The following HHATL variants were observed in gnomAD, a reference collection of about 807,000 sequenced individuals.
HHATL encodes protein-cysteine N-palmitoyltransferase HHAT-like protein.
In HHATL, 49 loss-of-function variants were observed where a neutral mutation model predicts 59.7. The ratio of observed to expected loss-of-function variants is 0.82; its 90% confidence interval spans 0.65 to 1.04. HHATL has a LOEUF of 1.04. HHATL is among the 50% of genes least tolerant of loss of function. The probability of loss-of-function intolerance (pLI) is 0.00; values close to 1 mark genes in which losing one functional copy is unlikely to be tolerated. For missense variants in HHATL, 605 were observed against 650.8 expected, an observed-to-expected ratio of 0.93 and a Z score of 0.77; for synonymous variants, 238 against 257.3, an observed-to-expected ratio of 0.93 and a Z score of 0.72.
At chr3:42,697,977 GC>G (rs1338949853) in intron 6 of HHATL, among the ~76,000 whole-genome samples, 164 bp downstream of exon 6, 2 of 152,284 alleles carry the variant, frequency 1.3e-5, no homozygotes, top group East Asian at 3.9e-4. Context: ...GGGAAAGGTG[GC>G]CCCATCCTGG....
At chr3:42,693,455 G>C (rs1300739564) in intron 10 of HHATL, 162 bp downstream of exon 10, 2 of 766,596 alleles carry the variant, frequency 2.6e-6, no homozygotes, top group Non-Finnish European at 4.2e-6. Context: ...AGGGAGGGAG[G>C]GGCAGATTCC....
In HHATL at chr3:42,701,644, G is replaced by A. The variant is rs1697995930; in HGVS notation, c.-13-805C>T. On this transcript the variant is annotated intron_variant, in intron 1 of 11. Transcript: ENST00000441594. The surrounding 1 kb of genome is among the most constrained non-coding windows in gnomAD (Gnocchi z 5.1). ...CTGTCCAAGGTGCTGACCAGAATCA[G>A]GCCCCGGCTGAGTCTCACCACTCCC... The A allele has an allele frequency of 6.6e-6, 1 of 152,378 alleles. No individual in the cohort carries two copies. Among genetic ancestry groups the A allele is most frequent in the Non-Finnish European group, 1.5e-5 (1 of 68,192 alleles). 9.4% of individuals were successfully genotyped at this position (152,378 alleles called of 1,614,324 possible).
intron 5 of HHATL, 37 bp downstream of exon 5, chr3:42,698,671 T>TTA: frequency 6.6e-7 from 1 of 1,519,126 alleles, no homozygotes; most frequent in Non-Finnish European, 8.8e-7. Context: ...GTTTGGGATC[T>TTA]TATCCCTACA....
At chr3:42,698,453 C>T in intron 5 of HHATL, 102 bp from the exon 6 acceptor site, 2 of 1,126,848 alleles carry the variant, frequency 1.8e-6, no homozygotes, top group South Asian at 1.5e-5. Flanking sequence ...CAGCCTGGTC[C>T]TGTCCCTTCC....
chr3:42,700,584 A>T, intron 2 of HHATL, 137 bp downstream of exon 2: 1 of 611,062 alleles, frequency 1.6e-6, no homozygotes, highest in South Asian at 2.1e-5. Context: ...CCCCGGGCTG[A>T]AAAGGGAGAT....
At position 42,693,176 on chromosome 3, in the gene HHATL, A is replaced by G; in HGVS notation, c.1291T>C (p.Phe431Leu). The change falls in exon 11 of 12, where the codon TTT becomes CTT. Residue 431 changes from phenylalanine to leucine, a missense_variant. Physicochemically the swap from Phe to Leu is conservative, Grantham distance 22. Transcript: ENST00000441594. ...VQMSRRVRAL[F>L]GAMNFWAIIM... Reference sequence around the variant, plus strand: ...ATGGCCCAGAAGTTCATGGCTCCAAACAGGGCCCGGACCCTACGGGACATC... The same window carrying G: ...ATGGCCCAGAAGTTCATGGCTCCAAGCAGGGCCCGGACCCTACGGGACATC... The G allele has an allele frequency of 6.2e-7, 1 of 1,614,178 alleles. No homozygotes were observed. Among genetic ancestry groups the G allele is most frequent in the Non-Finnish European group, 8.5e-7 (1 of 1,180,032 alleles).
chr3:42,693,063 C>A lies in HHATL; in HGVS notation c.1390+14G>T, dbSNP rs1253932200. ...GCCTGGCACCTTCTGTATCCCCACA[C>A]CCCTGTCCCTCACCTGTGAGTAGCA... is the stretch of plus-strand genomic sequence containing the variant. On this transcript the variant is annotated intron_variant, in intron 11 of 11. Transcript: ENST00000441594. The A allele has an allele frequency of 1.2e-6, 2 of 1,614,100 alleles. No homozygotes were observed. Among genetic ancestry groups the A allele is most frequent in the Admixed American group, 1.7e-5 (1 of 60,028 alleles).
intron 2 of HHATL, 147 bp downstream of exon 2, chr3:42,700,573 AC>A (rs1245742554): frequency 3.3e-6 from 2 of 599,384 alleles, no homozygotes; most frequent in Non-Finnish European, 6.0e-6. Context: ...TGAGATGGGA[AC>A]CCCGGGCTGA....
In HHATL at chr3:42,697,599, G is replaced by T. The variant is rs61748826; in HGVS notation, c.774C>A (p.Ile258=). The T allele has an allele frequency of 1.3e-5, 21 of 1,614,066 alleles. No homozygotes were observed. Among genetic ancestry groups the T allele is most frequent in the Admixed American group, 1.7e-5 (1 of 60,004 alleles). Residue 258 remains isoleucine (I), a synonymous_variant, in exon 7 of 12, where the codon ATC becomes ATA. Transcript: ENST00000441594. ...AGTGAAAGAAGATGTCGACGGCCAT[G>T]ATGGCCACCACGCTTAGGCCTGCCT... ...RAQAGLSVVA[I]MAVDIFFHFF...
At chr3:42,693,054 A>T (rs1229172183) in intron 11 of HHATL, 23 bp downstream of exon 11, 1 of 1,613,446 alleles carries the variant, frequency 6.2e-7, no homozygotes, top group Admixed American at 1.7e-5. Flanking sequence ...CACCTTCTGT[A>T]TCCCCACACC....
chr3:42,694,793 C>T (rs1425485810), intron 9 of HHATL, among the ~76,000 whole-genome samples: 1 of 152,232 alleles, frequency 6.6e-6, no homozygotes, highest in Non-Finnish European at 1.5e-5. Context: ...ATCATCTCCT[C>T]AGAGAAGCCT....
At chr3:42,697,273 G>A in intron 7 of HHATL, 128 bp from the exon 8 acceptor site, 1 of 1,248,592 alleles carries the variant, frequency 8.0e-7, no homozygotes, top group Non-Finnish European at 1.1e-6. Flanking sequence ...CCCCCATATT[G>A]TGGAAATCAG....
rs1050642832 is a variant in HHATL, at chr3:42,701,075, G to T, written c.-13-236C>A. On this transcript the variant is annotated intron_variant, in intron 1 of 11. Transcript: ENST00000441594. This position sits in a 1 kb window ranked among gnomAD's most constrained non-coding sequence, Gnocchi z 5.1. Reference sequence around the variant, plus strand: ...CCCCACCCCACCCATCAAGGCTCTTGCCCGCAGAGCCCTCACTCGCAGCCT... The same window carrying T: ...CCCCACCCCACCCATCAAGGCTCTTTCCCGCAGAGCCCTCACTCGCAGCCT... 1.4e-5 allele frequency: 7 copies of T among 507,412 alleles called. No homozygotes were observed. Among genetic ancestry groups the T allele is most frequent in the Non-Finnish European group, 2.1e-5 (6 of 281,950 alleles). 31.4% of individuals were successfully genotyped at this position (507,412 alleles called of 1,614,324 possible). A position where few individuals can be genotyped will look rare whatever the true frequency, so the allele number is the denominator to read the frequency against.
In HHATL at chr3:42,701,162, A is replaced by G. The variant is rs1697964959; in HGVS notation, c.-13-323T>C. On this transcript the variant is annotated intron_variant, in intron 1 of 11. Coordinates refer to ENST00000441594, the MANE Select transcript of HHATL (RefSeq NM_020707.4). This position sits in a 1 kb window ranked among gnomAD's most constrained non-coding sequence, Gnocchi z 5.1. ...AGAGGCACCGGCCCCACCCTCTGCC[A>G]AAACCGCTCCTGCCAAGGCCCCCAT... The G allele has an allele frequency of 3.3e-6, 1 of 298,808 alleles. No homozygotes were observed. The highest frequency in any genetic ancestry group is 2.1e-5 in the African/African-American group (1 of 47,316). The allele number at this position is 298,808 out of a possible 1,614,324, so 18.5% of individuals were successfully genotyped here.
rs777091631 is a variant in HHATL, at chr3:42,696,989, G to T, written c.1010+12C>A. The T allele has an allele frequency of 2.7e-5, 44 of 1,610,660 alleles. No individual in the cohort carries two copies. The highest frequency in any genetic ancestry group is 3.7e-5 in the Non-Finnish European group (44 of 1,178,066). On this transcript the variant is annotated intron_variant, in intron 8 of 11. Transcript: ENST00000441594. ...CAGGGGGTGAGCCTCCCCCGTCCTG[G>T]CCAGCACTCACGTTTCCGCAAAGAC...
In HHATL at chr3:42,692,876, C is replaced by A; in HGVS notation, c.1391-1G>T. ...ATGGACAGCGTGGTCTGGGGGAACC[C>A]TGTGTGGGGAGGGAGTCATAGATGC... On this transcript the variant is annotated splice_acceptor_variant, in intron 11 of 11. Transcript: ENST00000441594. LOFTEE classifies it high-confidence loss of function. The A allele has an allele frequency of 6.2e-7, 1 of 1,614,070 alleles. No individual in the cohort carries two copies. The highest frequency in any genetic ancestry group is 8.5e-7 in the Non-Finnish European group (1 of 1,179,934).
Position 42,698,467 on chromosome 3 carries a change from C to T in HHATL, c.484-116G>A, listed in dbSNP as rs182917333. 7.1e-4 allele frequency: 749 copies of T among 1,050,424 alleles called. 10 individuals are homozygous for T. The East Asian group carries it at 0.016, about 23-fold the overall frequency. 65.1% of individuals were successfully genotyped at this position (1,050,424 alleles called of 1,614,324 possible). On this transcript the variant is annotated intron_variant, in intron 5 of 11. Coordinates refer to ENST00000441594, the MANE Select transcript of HHATL (RefSeq NM_020707.4). ...CCAGCCTGGTCCTGTCCCTTCCTCTCTTCCAGAGCCAGTTAACTTTGGCCA... is the reference window on the plus strand; with the variant it reads ...CCAGCCTGGTCCTGTCCCTTCCTCTTTTCCAGAGCCAGTTAACTTTGGCCA...
intron 9 of HHATL, among the ~76,000 whole-genome samples, chr3:42,695,013 A>G (rs563594657): frequency 6.7e-5 from 10 of 149,744 alleles, no homozygotes; most frequent in Non-Finnish European, 1.3e-4. Flanking sequence ...GCCTAGAACA[A>G]TGCCTGGCAC....
chr3:42,696,044 TCCTTA>T (rs1697597488), intron 9 of HHATL, among the ~76,000 whole-genome samples: 1 of 152,048 alleles, frequency 6.6e-6, no homozygotes, highest in African/African-American at 2.4e-5. Context: ...TGACTTTCCC[TCCTTA>T]CCTGCTCCTG....
Sources: gnomAD v4.1 joint callset for allele counts (sites outside exome capture counted in the v4.1 genomes callset) on GRCh38, gnomAD v4.1.1 for gene constraint, Gnocchi (gnomAD v3.1) non-coding constraint, MANE v1.5 for transcripts, NCBI Gene and HGNC (gene_info 2026-07-23, HGNC 2026-07-21) for gene names.